ZNF521: variants seen among roughly 807,000 people sequenced by gnomAD.
ZNF521 encodes the protein LYST-interacting protein 3.
A neutral mutation model predicts 105.5 loss-of-function variants in ZNF521; 14 were observed. That is an observed-to-expected ratio of 0.13 (90% CI 0.09 to 0.21). ZNF521 has a LOEUF of 0.21. Ranked by LOEUF, ZNF521 falls within the 10% of genes least tolerant of loss-of-function variation. The pLI, the probability that ZNF521 is intolerant of heterozygous loss-of-function variation, is 1.00. For missense variants in ZNF521, 1,233 were observed against 1,629.7 expected (o/e 0.76, Z 4.19); for synonymous variants, 635 against 606.0 (o/e 1.05, Z -0.70).
intron 3 of ZNF521, among the ~76,000 whole-genome samples, chr18:25,233,058 A>T (rs546815327): frequency 6.6e-6 from 1 of 152,322 alleles, no homozygotes; most frequent in Non-Finnish European, 1.5e-5. Flanking sequence ...CTACTTAAAG[A>T]GGACAATATT....
At chr18:25,262,515 C>T (rs1476347592) in intron 3 of ZNF521, among the ~76,000 whole-genome samples, 5 of 152,156 alleles carry the variant, frequency 3.3e-5, no homozygotes, top group Non-Finnish European at 5.9e-5. Context: ...TGAATTTGCT[C>T]TAAGGAGGAA....
chr18:25,139,826 G>A (rs899349262), intron 5 of ZNF521, among the ~76,000 whole-genome samples: 1 of 152,156 alleles, frequency 6.6e-6, no homozygotes, highest in Non-Finnish European at 1.5e-5. Flanking sequence ...GAAGGTGGTG[G>A]TATTAGGAGG....
intron 4 of ZNF521, among the ~76,000 whole-genome samples, chr18:25,197,459 G>A (rs555446471): frequency 6.6e-4 from 100 of 151,852 alleles, no homozygotes; most frequent in Non-Finnish European, 1.3e-3. Flanking sequence ...TTTTTAAAAC[G>A]TTGATGTTAA....
rs181066282 is a variant in ZNF521 at position 25,319,152 on chromosome 18, C to T, written c.220+2856G>A. 1.2e-3 allele frequency among the ~76,000 whole-genome samples: 181 copies of T among 152,068 alleles called. 1 individual carries two copies. Among genetic ancestry groups the T allele is most frequent in the Non-Finnish European group, 2.1e-3 (141 of 67,986 alleles). On this transcript the variant is annotated intron_variant, in intron 3 of 7. Transcript: ENST00000361524. ...ATCTATGGCAATCTGGGTATCAATACAATGAGAGTAATGAATTATGACCCA... is the reference window on the plus strand; with the variant it reads ...ATCTATGGCAATCTGGGTATCAATATAATGAGAGTAATGAATTATGACCCA...
chr18:25,181,977 A>T (rs1353767102), intron 5 of ZNF521, among the ~76,000 whole-genome samples: 1 of 152,226 alleles, frequency 6.6e-6, no homozygotes, highest in Non-Finnish European at 1.5e-5. Flanking sequence ...TTATCTTGAT[A>T]TGGAATACAT....
In ZNF521 at chr18:25,226,766, C is replaced by T; in HGVS notation, c.1152G>A (p.Lys384=). 1 of 1,614,142 alleles carries T rather than the reference C, an allele frequency of 6.2e-7. No homozygotes were observed. The highest frequency in any genetic ancestry group is 8.5e-7 in the Non-Finnish European group (1 of 1,180,022). Residue 384 remains lysine, a synonymous_variant, in exon 4 of 8, where the codon AAG becomes AAA. Coordinates refer to ENST00000361524, the MANE Select transcript of ZNF521 (RefSeq NM_015461.3). This position sits in a 1 kb window ranked among gnomAD's most constrained non-coding sequence, Gnocchi z 4.1. ...APPIPKSRGR[K]RAAQQTPDMT... ...TGTCAGGGGTTTGTTGAGCGGCCCT[C>T]TTCCTCCCTCGACTCTTTGGGATTG...
At chr18:25,153,260 A>T (rs559625900) in intron 5 of ZNF521, among the ~76,000 whole-genome samples, 6 of 152,200 alleles carry the variant, frequency 3.9e-5, no homozygotes, top group Non-Finnish European at 7.3e-5. Context: ...GGAAATCATG[A>T]TACTACAACT....
chr18:25,316,182 A>C (rs932303102), intron 3 of ZNF521, among the ~76,000 whole-genome samples: 2 of 152,082 alleles, frequency 1.3e-5, no homozygotes, highest in African/African-American at 4.8e-5. Context: ...GCAGCAAGAT[A>C]AGACCATGGA....
chr18:25,219,984 T>C (rs946523449), intron 4 of ZNF521, among the ~76,000 whole-genome samples: 1 of 152,168 alleles, frequency 6.6e-6, no homozygotes, highest in Non-Finnish European at 1.5e-5. Flanking sequence ...AAAGGTCCCC[T>C]CCTGTCCCTT....
At chr18:25,066,046 T>C (rs2033051273) in intron 7 of ZNF521, among the ~76,000 whole-genome samples, 2 of 152,186 alleles carry the variant, frequency 1.3e-5, no homozygotes, top group South Asian at 2.1e-4. Flanking sequence ...ATGTAAGTAA[T>C]ATCAACCTAA....
intron 5 of ZNF521, among the ~76,000 whole-genome samples, chr18:25,116,870 C>T (rs1600053642): frequency 1.3e-5 from 1 of 78,634 alleles, no homozygotes; most frequent in African/African-American, 5.1e-5. Flanking sequence ...TATATATATA[C>T]GTATATATAT....
intron 3 of ZNF521, among the ~76,000 whole-genome samples, chr18:25,230,102 G>C (rs1651185376): frequency 6.6e-6 from 1 of 152,104 alleles, no homozygotes. Context: ...TTAGGATCAA[G>C]GTTTTAACCA....
chr18:25,229,749 C>T (rs1312257061), intron 3 of ZNF521, among the ~76,000 whole-genome samples: 1 of 152,110 alleles, frequency 6.6e-6, no homozygotes, highest in Admixed American at 6.5e-5. Context: ...TTAAATCCTG[C>T]TATTTCATTT....
At chr18:25,157,381 A>C (rs111681936) in intron 5 of ZNF521, among the ~76,000 whole-genome samples, 272 of 152,312 alleles carry the variant, frequency 1.8e-3, no homozygotes, top group African/African-American at 6.2e-3. Flanking sequence ...ACAAAGATAG[A>C]GATGTGATTC....
chr18:25,207,129 C>T (rs2144672036), intron 4 of ZNF521, among the ~76,000 whole-genome samples: 1 of 152,136 alleles, frequency 6.6e-6, no homozygotes, highest in African/African-American at 2.4e-5. Flanking sequence ...AATAGCCAAG[C>T]TTATATAGGG....
At chr18:25,169,076 G>A (rs1438981098) in intron 5 of ZNF521, among the ~76,000 whole-genome samples, 1 of 151,998 alleles carries the variant, frequency 6.6e-6, no homozygotes, top group East Asian at 1.9e-4. Flanking sequence ...ATAATTCCAT[G>A]GACAGAATAT....
Position 25,226,759 on chromosome 18 carries a change from C to T in ZNF521, c.1159G>A (p.Ala387Thr), listed in dbSNP as rs771860136. The T allele has an allele frequency of 5.6e-5, 91 of 1,613,996 alleles. No individual in the cohort carries two copies. Among genetic ancestry groups the T allele is most frequent in the African/African-American group, 6.7e-5 (5 of 74,900 alleles). ...IPKSRGRKRA[A>T]QQTPDMTGPS... ...CCAGTCATGTCAGGGGTTTGTTGAGCGGCCCTCTTCCTCCCTCGACTCTTT... is the reference window on the plus strand; with the variant it reads ...CCAGTCATGTCAGGGGTTTGTTGAGTGGCCCTCTTCCTCCCTCGACTCTTT... Residue 387 changes from alanine to threonine, a missense_variant, in exon 4 of 8, where the codon GCT (alanine) becomes ACT (threonine). Transcript: ENST00000361524. This position sits in a 1 kb window ranked among gnomAD's most constrained non-coding sequence, Gnocchi z 4.1.
chr18:25,081,331 G>A (rs1165876611), intron 7 of ZNF521, among the ~76,000 whole-genome samples: 2 of 152,154 alleles, frequency 1.3e-5, no homozygotes, highest in Non-Finnish European at 2.9e-5. Context: ...TGAAGAGGTG[G>A]TGCTCCCTCT....
chr18:25,168,962 TG>T (rs2035400292), intron 5 of ZNF521, among the ~76,000 whole-genome samples: 1 of 151,946 alleles, frequency 6.6e-6, no homozygotes, highest in African/African-American at 2.4e-5. Context: ...GGGGTGTGTG[TG>T]TGTGTGTGTG....
Sources: gnomAD v4.1 joint callset for allele counts (sites outside exome capture counted in the v4.1 genomes callset) on GRCh38, gnomAD v4.1.1 for gene constraint, Gnocchi (gnomAD v3.1) non-coding constraint, MANE v1.5 for transcripts, NCBI Gene and HGNC (gene_info 2026-07-23, HGNC 2026-07-21) for gene names.